ACVR1C: variants seen among roughly 807,000 people sequenced by gnomAD.
ACVR1C encodes activin receptor type-1C.
ACVR1C carries 23 observed loss-of-function variants against 57.9 expected under a neutral mutation model. The ratio of observed to expected loss-of-function variants is 0.40; its 90% confidence interval spans 0.29 to 0.56. ACVR1C has a LOEUF of 0.56. ACVR1C is among the 20% of genes least tolerant of loss of function. The pLI, the probability that ACVR1C is intolerant of heterozygous loss-of-function variation, is 0.50. For missense variants in ACVR1C, 480 were observed against 607.9 expected, an observed-to-expected ratio of 0.79 and a Z score of 2.21; for synonymous variants, 214 against 215.3, an observed-to-expected ratio of 0.99 and a Z score of 0.05.
intron 3 of ACVR1C, among the ~76,000 whole-genome samples, chr2:157,551,372 T>C (rs534517905): frequency 1.3e-5 from 2 of 152,340 alleles, no homozygotes; most frequent in South Asian, 4.1e-4. Context: ...TAACATTATG[T>C]TAATCTTAGG....
chr2:157,564,042 G>C (rs1477658435), intron 2 of ACVR1C, among the ~76,000 whole-genome samples: 1 of 152,174 alleles, frequency 6.6e-6, no homozygotes, highest in African/African-American at 2.4e-5. Context: ...ATACCATTCA[G>C]GACATAGGCA....
intron 2 of ACVR1C, among the ~76,000 whole-genome samples, chr2:157,584,247 C>A (rs1464228303): frequency 6.6e-6 from 1 of 151,294 alleles, no homozygotes; most frequent in Non-Finnish European, 1.5e-5. Flanking sequence ...GGACTACAGG[C>A]ACCCACCACC....
At position 157,549,911 on chromosome 2, in the gene ACVR1C, G is replaced by C. The variant is rs1254793886; in HGVS notation, c.775+251C>G. Reference sequence around the variant, plus strand: ...CAAGCTACTTGGGAGGCTGAGGCAGGAGAATGGCATGAACCCGGGAGGCAG... The same window carrying C: ...CAAGCTACTTGGGAGGCTGAGGCAGCAGAATGGCATGAACCCGGGAGGCAG... On this transcript the variant is annotated intron_variant, in intron 4 of 8. Coordinates refer to ENST00000243349, the MANE Select transcript of ACVR1C (RefSeq NM_145259.3). Among the ~76,000 whole-genome samples the C allele has an allele frequency of 2.0e-5, 3 of 149,818 alleles. No homozygotes were observed. In the South Asian group the frequency reaches 6.3e-4, roughly 32 times the overall value.
chr2:157,589,462 AT>A (rs35691104), intron 1 of ACVR1C, among the ~76,000 whole-genome samples: 1 of 151,734 alleles, frequency 6.6e-6, no homozygotes, highest in Admixed American at 6.6e-5. Flanking sequence ...CTTTGCAAAT[AT>A]TTTCTCCCAT....
intron 3 of ACVR1C, among the ~76,000 whole-genome samples, chr2:157,555,423 C>T (rs1334845601): frequency 6.6e-6 from 1 of 152,156 alleles, no homozygotes; most frequent in Non-Finnish European, 1.5e-5. Flanking sequence ...CCGGCCGGTA[C>T]TTTGAACGCT....
chr2:157,573,923 ATGC>A (rs1317675665), intron 2 of ACVR1C, among the ~76,000 whole-genome samples: 1 of 152,228 alleles, frequency 6.6e-6, no homozygotes, highest in East Asian at 1.9e-4. Flanking sequence ...CAATTCAACT[ATGC>A]TAAAATATAA....
At chr2:157,566,384 C>T (rs183409176) in intron 2 of ACVR1C, among the ~76,000 whole-genome samples, 12 of 152,302 alleles carry the variant, frequency 7.9e-5, no homozygotes, top group African/African-American at 2.4e-4. Context: ...GGAACAGCTC[C>T]GGTCTATAGC....
At chr2:157,578,408 C>T (rs1688713733) in intron 2 of ACVR1C, among the ~76,000 whole-genome samples, 1 of 152,174 alleles carries the variant, frequency 6.6e-6, no homozygotes, top group African/African-American at 2.4e-5. Context: ...TGGCCCCTCT[C>T]CTGACACATC....
intron 8 of ACVR1C, among the ~76,000 whole-genome samples, chr2:157,535,873 C>T (rs952149362): frequency 1.3e-5 from 2 of 152,166 alleles, no homozygotes; most frequent in African/African-American, 2.4e-5. Context: ...GCAACATATA[C>T]GTTGTTCACT....
chr2:157,611,816 A>C (rs934183092), intron 1 of ACVR1C, among the ~76,000 whole-genome samples: 2 of 152,058 alleles, frequency 1.3e-5, no homozygotes, highest in African/African-American at 4.8e-5. Context: ...CTCAGGCAGC[A>C]TGCTTGGGCT....
intron 1 of ACVR1C, among the ~76,000 whole-genome samples, chr2:157,596,747 T>C (rs904193889): frequency 6.6e-6 from 1 of 152,254 alleles, no homozygotes; most frequent in Non-Finnish European, 1.5e-5. Flanking sequence ...TGAATTACTT[T>C]ATGGCAAGTC....
At chr2:157,625,085 T>C (rs1394109883) in intron 1 of ACVR1C, among the ~76,000 whole-genome samples, 3 of 152,152 alleles carry the variant, frequency 2.0e-5, no homozygotes, top group Non-Finnish European at 4.4e-5. Flanking sequence ...CAGTCCATAT[T>C]TATCCCCTGA....
In ACVR1C at chr2:157,542,689, C is replaced by T; in HGVS notation, c.1100+17G>A. ...CACTCTCACATCTTACTATGCTACC[C>T]AAGTCAGTCGTCTTACCTCTTGGTT... On this transcript the variant is annotated intron_variant, in intron 6 of 8. Coordinates refer to ENST00000243349, the MANE Select transcript of ACVR1C (RefSeq NM_145259.3). 6.2e-7 allele frequency: 1 copy of T among 1,609,722 alleles called. No homozygotes were observed. The highest frequency in any genetic ancestry group is 8.5e-7 in the Non-Finnish European group (1 of 1,177,960).
chr2:157,627,236 AAGAGCACTTTC>A (rs1270111010), intron 1 of ACVR1C, among the ~76,000 whole-genome samples: 1 of 152,198 alleles, frequency 6.6e-6, no homozygotes, highest in African/African-American at 2.4e-5. Flanking sequence ...TTAAATTGTC[AAGAGCACTTTC>A]AGTATCCCAA....
chr2:157,588,855 A>ATATATATATATATATATACGTGTGTGTG (rs1688991762), intron 1 of ACVR1C, among the ~76,000 whole-genome samples: 4 of 129,272 alleles, frequency 3.1e-5, no homozygotes, highest in Non-Finnish European at 6.5e-5. Flanking sequence ...CACCATATAT[A>ATATATATATATATATATACGTGTGTGTG]TATATATATA....
chr2:157,566,700 A>G (rs1489535743), intron 2 of ACVR1C, among the ~76,000 whole-genome samples: 4 of 151,702 alleles, frequency 2.6e-5, no homozygotes, highest in Non-Finnish European at 5.9e-5. Context: ...CACCTGGCTC[A>G]GAGGGTCCTA....
rs577603134 is a variant in ACVR1C, at chr2:157,552,382, C to G, written c.545-1990G>C. ...TCCTGACCTCAAGTGATCCACCTGCCTCGGCCTCCCAAAGTACTGGGATTA... is the reference window on the plus strand; with the variant it reads ...TCCTGACCTCAAGTGATCCACCTGCGTCGGCCTCCCAAAGTACTGGGATTA... On this transcript the variant is annotated intron_variant, in intron 3 of 8. Transcript: ENST00000243349. Among the ~76,000 whole-genome samples, 45 of 152,342 alleles carry G rather than the reference C, an allele frequency of 3.0e-4. No individual in the cohort carries two copies. In the South Asian group the frequency reaches 9.1e-3, roughly 31 times the overall value.
At chr2:157,627,370 G>A (rs767218219) in intron 1 of ACVR1C, among the ~76,000 whole-genome samples, 7 of 152,094 alleles carry the variant, frequency 4.6e-5, no homozygotes, top group South Asian at 2.1e-4. Context: ...TCATCTTTCC[G>A]ACAGTCTTGG....
intron 2 of ACVR1C, among the ~76,000 whole-genome samples, chr2:157,583,445 T>G (rs1253400231): frequency 6.6e-6 from 1 of 152,198 alleles, no homozygotes; most frequent in Non-Finnish European, 1.5e-5. Flanking sequence ...ACATGATTAT[T>G]CTCTGCAAAT....
Sources: allele counts gnomAD v4.1 joint callset (sites outside exome capture counted in the v4.1 genomes callset), GRCh38; gene constraint gnomAD v4.1.1; transcripts MANE v1.5; gene names NCBI Gene and HGNC (gene_info 2026-07-23, HGNC 2026-07-21).